The following MDGA2 variants were observed in gnomAD, a reference collection of about 807,000 sequenced individuals.
MDGA2 encodes the protein MAM domain-containing glycosylphosphatidylinositol anchor protein 2.
A neutral mutation model predicts 117.8 loss-of-function variants in MDGA2; 40 were observed. The ratio of observed to expected loss-of-function variants is 0.34; its 90% confidence interval spans 0.26 to 0.44. The LOEUF (loss-of-function observed/expected upper bound fraction) is 0.44. Among genes scored for constraint, MDGA2 ranks in the 20% least tolerant of loss-of-function variants. The pLI is 1.00. For synonymous variants in MDGA2, 452 were observed against 439.0 expected, an observed-to-expected ratio of 1.03 and a Z score of -0.37; for missense variants, 1,123 against 1,250.6, an observed-to-expected ratio of 0.90 and a Z score of 1.54.
At chr14:47,611,526 C>A (rs147213381) in intron 1 of MDGA2, among the ~76,000 whole-genome samples, 1 of 151,994 alleles carries the variant, frequency 6.6e-6, no homozygotes, top group East Asian at 1.9e-4. Flanking sequence ...AACAAACAAT[C>A]CTATCGAAAA....
chr14:47,042,321 T>G (rs2050965), intron 7 of MDGA2, among the ~76,000 whole-genome samples: 38,613 of 130,698 alleles, frequency 0.3, 4,986 homozygotes, highest in East Asian at 0.46. Flanking sequence ...TGTTTTTTTT[T>G]TTTTTTTGTG....
At chr14:46,952,142 A>G (rs992170020) in intron 9 of MDGA2, among the ~76,000 whole-genome samples, 4 of 151,932 alleles carry the variant, frequency 2.6e-5, no homozygotes, top group Non-Finnish European at 5.9e-5. Flanking sequence ...TTAAATATAT[A>G]ATAAATGCAA....
At position 47,213,983 on chromosome 14, in the gene MDGA2, G is replaced by A. The variant is rs1594727824; in HGVS notation, c.595+4038C>T. ...GTACCTTTTTGGCGAGTAGTAGCCA[G>A]CTTCTTCACAAGGAAAAGTACCGAG... On this transcript the variant is annotated intron_variant, in intron 3 of 16. Coordinates refer to ENST00000399232, the MANE Select transcript of MDGA2 (RefSeq NM_001113498.3). 2.6e-5 allele frequency among the ~76,000 whole-genome samples: 4 copies of A among 152,230 alleles called. No homozygotes were observed. The Middle Eastern group carries it at 0.014, about 518-fold the overall frequency.
intron 8 of MDGA2, among the ~76,000 whole-genome samples, chr14:46,959,223 ATC>A (rs60139454): frequency 0.19 from 27,690 of 144,770 alleles, 2,907 homozygotes; most frequent in East Asian, 0.42. Flanking sequence ...TATCACTATA[ATC>A]TCTTTTATCT....
intron 1 of MDGA2, among the ~76,000 whole-genome samples, chr14:47,365,811 C>T (rs964450683): frequency 6.6e-6 from 1 of 152,194 alleles, no homozygotes; most frequent in Non-Finnish European, 1.5e-5. Flanking sequence ...CCTCCTCCTT[C>T]TGTTTACAAA....
chr14:47,467,169 G>C (rs1053977678), intron 1 of MDGA2, among the ~76,000 whole-genome samples: 5 of 152,044 alleles, frequency 3.3e-5, no homozygotes, highest in Admixed American at 3.3e-4. Flanking sequence ...CACTAAAAAG[G>C]AGAAGCCAAA....
chr14:47,299,001 C>T (rs1167409022), intron 2 of MDGA2, among the ~76,000 whole-genome samples: 1 of 151,950 alleles, frequency 6.6e-6, no homozygotes, highest in East Asian at 1.9e-4. Context: ...GTTAATTTTT[C>T]AATGGGCAAT....
intron 1 of MDGA2, among the ~76,000 whole-genome samples, chr14:47,431,584 A>T (rs920743484): frequency 1.3e-5 from 2 of 152,086 alleles, no homozygotes; most frequent in African/African-American, 4.8e-5. Flanking sequence ...TTTACTACTA[A>T]CTGTGCTTTG....
At chr14:47,233,375 A>T (rs772994256) in intron 2 of MDGA2, among the ~76,000 whole-genome samples, 9 of 152,156 alleles carry the variant, frequency 5.9e-5, no homozygotes, top group Admixed American at 2.6e-4. Context: ...TCAAAATTAC[A>T]ATGCGTATGA....
At chr14:47,045,900 T>A (rs1000822075) in intron 7 of MDGA2, among the ~76,000 whole-genome samples, 47 of 150,820 alleles carry the variant, frequency 3.1e-4, no homozygotes, top group African/African-American at 1.0e-3. Flanking sequence ...GGGAGGCAGA[T>A]GTTGCAATGA....
intron 1 of MDGA2, among the ~76,000 whole-genome samples, chr14:47,622,612 G>A (rs1897069801): frequency 8.0e-6 from 1 of 125,018 alleles, no homozygotes; most frequent in Non-Finnish European, 1.7e-5. Flanking sequence ...TAAAGGTGGT[G>A]GGGGACGAAA....
At chr14:47,163,100 C>G (rs953374369) in intron 3 of MDGA2, among the ~76,000 whole-genome samples, 4 of 152,254 alleles carry the variant, frequency 2.6e-5, no homozygotes, top group African/African-American at 4.8e-5. Context: ...CTTTGGGGCT[C>G]TAATCTGGTT....
intron 3 of MDGA2, among the ~76,000 whole-genome samples, chr14:47,151,753 T>C (rs1195181469): frequency 6.6e-6 from 1 of 151,796 alleles, no homozygotes; most frequent in Non-Finnish European, 1.5e-5. Context: ...TAAATAATTA[T>C]CTTATTTGAT....
chr14:47,390,386 A>ACTT (rs34548776), intron 1 of MDGA2, among the ~76,000 whole-genome samples: 69,704 of 151,808 alleles, frequency 0.46, 16,501 homozygotes, highest in East Asian at 0.61. Context: ...TTCCTAAGGA[A>ACTT]GAGTAGGAGC....
intron 3 of MDGA2, among the ~76,000 whole-genome samples, chr14:47,196,459 G>T (rs941148913): frequency 6.6e-6 from 1 of 152,032 alleles, no homozygotes. Context: ...CTTCCTAAGC[G>T]TATACTTTTT....
chr14:47,347,695 A>C (rs571019944), intron 1 of MDGA2, among the ~76,000 whole-genome samples: 1 of 152,318 alleles, frequency 6.6e-6, no homozygotes, highest in South Asian at 2.1e-4. Flanking sequence ...AGATTTGGGA[A>C]TCATCAGCAT....
chr14:47,227,103 A>G (rs1459950410), intron 2 of MDGA2, among the ~76,000 whole-genome samples: 1 of 152,038 alleles, frequency 6.6e-6, no homozygotes, highest in Non-Finnish European at 1.5e-5. Context: ...TCAGCTGTGT[A>G]TATGTTGTAG....
intron 3 of MDGA2, among the ~76,000 whole-genome samples, chr14:47,145,523 C>T (rs569493356): frequency 5.3e-5 from 8 of 152,220 alleles, no homozygotes; most frequent in African/African-American, 1.9e-4. Context: ...CTTTTAGTTC[C>T]ATGTGCTAGT....
chr14:47,515,413 C>T (rs1894730718), intron 1 of MDGA2, among the ~76,000 whole-genome samples: 1 of 152,158 alleles, frequency 6.6e-6, no homozygotes, highest in East Asian at 1.9e-4. Flanking sequence ...CGCATGTTGA[C>T]ATCACTGCAG....
Sources: gnomAD v4.1 joint callset for allele counts (sites outside exome capture counted in the v4.1 genomes callset) on GRCh38, gnomAD v4.1.1 for gene constraint, MANE v1.5 for transcripts, NCBI Gene and HGNC (gene_info 2026-07-23, HGNC 2026-07-21) for gene names.